The following ZC3H15 variants were observed in gnomAD, a reference collection of about 807,000 sequenced individuals.
The protein encoded by ZC3H15 is zinc finger CCCH-type containing 15.
Under a neutral mutation model 51.2 loss-of-function variants are expected in ZC3H15, and 15 were observed. That is an observed-to-expected ratio of 0.29 (90% confidence interval 0.20 to 0.45). The LOEUF is 0.45. Ranked by LOEUF, ZC3H15 falls within the 20% of genes least tolerant of loss-of-function variation. ZC3H15 has a pLI of 1.00. For synonymous variants in ZC3H15, 144 were observed against 162.8 expected (o/e 0.88, Z 0.88); for missense variants, 381 against 494.7 (o/e 0.77, Z 2.18).
chr2:186,492,487 G>A (rs544120720), intron 1 of ZC3H15, among the ~76,000 whole-genome samples: 1 of 152,280 alleles, frequency 6.6e-6, no homozygotes, highest in African/African-American at 2.4e-5. Context: ...ATAATACCAT[G>A]TTGGGATGTT....
In ZC3H15 at chr2:186,486,413, G is replaced by C. The variant is rs1333485800; in HGVS notation, c.31G>C (p.Gly11Arg). The C allele has an allele frequency of 1.3e-6, 2 of 1,562,474 alleles. No individual in the cohort carries two copies. The highest frequency in any genetic ancestry group is 2.7e-5 in the African/African-American group (2 of 73,704). The change falls in exon 1 of 10, where the codon GGC becomes CGC. Residue 11 changes from glycine (G) to arginine (R), a missense_variant. Physicochemically the swap from Gly to Arg is moderately radical, Grantham distance 125. Around this residue, in one of 3 missense-constraint regions of ZC3H15, gnomAD observed 125 missense variants for 166.3 expected, o/e 0.75. Coordinates refer to ENST00000337859, the MANE Select transcript of ZC3H15 (RefSeq NM_018471.3). The stretch of plus-strand genomic sequence containing the variant: ...CCCCAAGAAACAGGCTCAGGCCGGG[G>C]GCAGCAAAAAGGCGGAGCAAAAAAA... Reference protein sequence around the residue: MPPKKQAQAGGSKKAEQKKKE... With the variant: MPPKKQAQAGRSKKAEQKKKE...
chr2:186,486,530 G>C (rs1231284615), intron 1 of ZC3H15, 73 bp downstream of exon 1: 2 of 1,472,826 alleles, frequency 1.4e-6, no homozygotes, highest in Admixed American at 4.4e-5. Flanking sequence ...GGGCTTCCCT[G>C]GGAGCCGGCT....
chr2:186,507,747 A>C (rs1452684732), intron 9 of ZC3H15, among the ~76,000 whole-genome samples: 1 of 152,196 alleles, frequency 6.6e-6, no homozygotes, highest in Non-Finnish European at 1.5e-5. Context: ...ACAAGCTGTA[A>C]CTTGAAAAAC....
chr2:186,505,819 C>A lies in ZC3H15; in HGVS notation c.944C>A (p.Thr315Asn). ...DDEEADDTRY[T>N]QGTGGDEVDD... ...GAGGAAGCAGATGATACCCGCTACACCCAGGGAACAGGTGGTGATGAGGTA... is the reference window on the plus strand; with the variant it reads ...GAGGAAGCAGATGATACCCGCTACAACCAGGGAACAGGTGGTGATGAGGTA... The change falls in exon 8 of 10, where the codon ACC becomes AAC. Residue 315 changes from threonine (T) to asparagine (N), a missense_variant. Physicochemically the swap from Thr to Asn is moderately conservative, Grantham distance 65. Transcript: ENST00000337859. 6.2e-7 allele frequency: 1 copy of A among 1,613,980 alleles called. No individual in the cohort carries two copies. Among genetic ancestry groups the A allele is most frequent in the Non-Finnish European group, 8.5e-7 (1 of 1,179,968 alleles).
intron 1 of ZC3H15, among the ~76,000 whole-genome samples, chr2:186,490,272 A>C (rs1052960555): frequency 6.6e-6 from 1 of 152,226 alleles, no homozygotes; most frequent in Non-Finnish European, 1.5e-5. Flanking sequence ...ATTTAGTGAC[A>C]AATGGAGTCA....
At chr2:186,496,277 G>C (rs1174428793) in intron 2 of ZC3H15, among the ~76,000 whole-genome samples, 1 of 152,202 alleles carries the variant, frequency 6.6e-6, no homozygotes, top group Non-Finnish European at 1.5e-5. Context: ...GAATACAATG[G>C]TGTGATCTTG....
intron 1 of ZC3H15, among the ~76,000 whole-genome samples, chr2:186,493,433 G>A (rs1049555061): frequency 6.6e-6 from 1 of 152,036 alleles, no homozygotes; most frequent in African/African-American, 2.4e-5. Context: ...TAGACTTATT[G>A]CCCTCCCAGC....
At chr2:186,487,923 G>T (rs902578996) in intron 1 of ZC3H15, among the ~76,000 whole-genome samples, 2 of 152,136 alleles carry the variant, frequency 1.3e-5, no homozygotes, top group East Asian at 3.8e-4. Flanking sequence ...GGAATTATGT[G>T]TGAAAGTTGT....
rs1196953435 is a variant in ZC3H15, at chr2:186,486,469, C to A, written c.75+12C>A. 1.3e-6 allele frequency: 2 copies of A among 1,547,432 alleles called. No individual in the cohort carries two copies. The highest frequency in any genetic ancestry group is 3.9e-5 in the Admixed American group (2 of 51,364). On this transcript the variant is annotated intron_variant, in intron 1 of 9. Coordinates refer to ENST00000337859, the MANE Select transcript of ZC3H15 (RefSeq NM_018471.3). ...AGAAGATTATCGAAGTGAGTACCCA[C>A]CCCTCCCCCACTCACGCCGCGAGCC...
At position 186,500,574 on chromosome 2, in the gene ZC3H15, A is replaced by G. The variant is rs867407631; in HGVS notation, c.289+281A>G. 13 of 556,578 alleles carry G rather than the reference A, an allele frequency of 2.3e-5. No homozygotes were observed. In the Middle Eastern group the frequency reaches 2.5e-3, roughly 106 times the overall value. 34.5% of individuals were successfully genotyped at this position (556,578 alleles called of 1,614,324 possible). A position where few individuals can be genotyped will look rare whatever the true frequency, so the allele number is the denominator to read the frequency against. On this transcript the variant is annotated intron_variant, in intron 3 of 9. Coordinates refer to ENST00000337859, the MANE Select transcript of ZC3H15 (RefSeq NM_018471.3). ...TGATTTATAACATTCAGTCTTTGGT[A>G]GTAGGTAAGCAAAGCCATAGTTGAA... is the stretch of plus-strand genomic sequence containing the variant.
intron 8 of ZC3H15, 174 bp downstream of exon 8, chr2:186,506,015 G>A (rs1231535151): frequency 5.6e-6 from 4 of 713,994 alleles, no homozygotes; most frequent in South Asian, 4.5e-5. Flanking sequence ...TGGACATAAT[G>A]ATTATCTCTA....
intron 1 of ZC3H15, chr2:186,488,577 T>A (rs961900690): frequency 1.3e-5 from 2 of 152,230 alleles, no homozygotes; most frequent in African/African-American, 4.8e-5. Context: ...TTAGTGTCTC[T>A]CTCTACTTGG....
At chr2:186,486,500 G>A (rs1204492376) in intron 1 of ZC3H15, 43 bp downstream of exon 1, 3 of 1,514,358 alleles carry the variant, frequency 2.0e-6, no homozygotes, top group Non-Finnish European at 2.7e-6. Context: ...GAGCCCTCCG[G>A]AAAGCCACTT....
chr2:186,497,243 G>T, intron 2 of ZC3H15: 1 of 356,742 alleles, frequency 2.8e-6, no homozygotes, highest in Non-Finnish European at 5.3e-6. Flanking sequence ...TTAAAAATCT[G>T]CTAATATGTA....
At chr2:186,506,570 G>A (rs948405385) in intron 8 of ZC3H15, 143 bp from the exon 9 acceptor site, 7 of 877,408 alleles carry the variant, frequency 8.0e-6, no homozygotes, top group African/African-American at 5.1e-5. Context: ...GGGATTACAG[G>A]TGTGAGCCTC....
chr2:186,486,520 G>C, intron 1 of ZC3H15, 63 bp downstream of exon 1: 2 of 1,485,524 alleles, frequency 1.3e-6, no homozygotes, highest in Non-Finnish European at 1.8e-6. Context: ...TCCCCGCTCC[G>C]GGCTTCCCTG....
chr2:186,486,903 T>TAA, intron 1 of ZC3H15: 1 of 161,954 alleles, frequency 6.2e-6, no homozygotes, highest in Non-Finnish European at 1.3e-5. Context: ...ATGGTACTGT[T>TAA]AGTTCTTTTG....
intron 6 of ZC3H15, 145 bp downstream of exon 6, chr2:186,504,359 T>TTC (rs1164132851): frequency 1.6e-6 from 1 of 626,754 alleles, no homozygotes. Flanking sequence ...ACTTTAATTA[T>TTC]TCTTGTATGT....
chr2:186,495,116 A>T, intron 1 of ZC3H15, 117 bp from the exon 2 acceptor site: 1 of 590,868 alleles, frequency 1.7e-6, no homozygotes, highest in Non-Finnish European at 2.8e-6. Context: ...AGTGTTTTGC[A>T]TGTTTTTATA....
Sources: allele counts gnomAD v4.1 joint callset (sites outside exome capture counted in the v4.1 genomes callset), GRCh38; gene constraint gnomAD v4.1.1; regional missense constraint gnomAD v4.1.1; transcripts MANE v1.5; gene names NCBI Gene and HGNC (gene_info 2026-07-23, HGNC 2026-07-21).